PRKG1: variants seen among roughly 807,000 people sequenced by gnomAD.
The protein encoded by PRKG1 is protein kinase cGMP-dependent 1.
PRKG1 carries 35 observed loss-of-function variants against 88.1 expected under a neutral mutation model. That is an observed-to-expected ratio of 0.40 (90% confidence interval 0.30 to 0.53). PRKG1 has a LOEUF of 0.53. PRKG1 is among the 20% of genes least tolerant of loss of function. PRKG1 has a pLI of 0.59. For missense variants in PRKG1, 540 were observed against 839.8 expected, an observed-to-expected ratio of 0.64 and a Z score of 4.41; for synonymous variants, 303 against 292.5, an observed-to-expected ratio of 1.04 and a Z score of -0.37.
intron 3 of PRKG1, among the ~76,000 whole-genome samples, chr10:51,672,034 T>A (rs191178944): frequency 6.7e-6 from 1 of 148,332 alleles, no homozygotes; most frequent in Non-Finnish European, 1.5e-5. Flanking sequence ...TGCCTTTTTG[T>A]AAACTATCTA....
chr10:51,889,007 A>G (rs948369062), intron 4 of PRKG1, among the ~76,000 whole-genome samples: 1 of 151,572 alleles, frequency 6.6e-6, no homozygotes, highest in African/African-American at 2.4e-5. Context: ...GCTGCTTATT[A>G]CTTCCCATCC....
intron 2 of PRKG1, among the ~76,000 whole-genome samples, chr10:51,273,008 C>T (rs911762880): frequency 1.3e-5 from 2 of 152,126 alleles, no homozygotes; most frequent in African/African-American, 4.8e-5. Context: ...GCAGGAAGTA[C>T]ACAACTACTA....
At chr10:51,637,334 T>G (rs972605452) in intron 3 of PRKG1, among the ~76,000 whole-genome samples, 6 of 152,190 alleles carry the variant, frequency 3.9e-5, no homozygotes, top group Non-Finnish European at 8.8e-5. Context: ...TGTAAATTAG[T>G]TCAGCCATTG....
At chr10:51,727,466 G>A (rs919481346) in intron 3 of PRKG1, among the ~76,000 whole-genome samples, 2 of 152,096 alleles carry the variant, frequency 1.3e-5, no homozygotes, top group Non-Finnish European at 2.9e-5. Flanking sequence ...CTGCTATCGA[G>A]TGAAACCAAG....
intron 1 of PRKG1, among the ~76,000 whole-genome samples, chr10:51,034,469 A>T (rs1166726590): frequency 6.6e-6 from 1 of 151,698 alleles, no homozygotes; most frequent in Non-Finnish European, 1.5e-5. Context: ...AAAAACCTTA[A>T]TTTTTACAGT....
At chr10:51,788,879 G>T (rs998802291) in intron 3 of PRKG1, among the ~76,000 whole-genome samples, 1 of 152,150 alleles carries the variant, frequency 6.6e-6, no homozygotes, top group East Asian at 1.9e-4. Flanking sequence ...TTCCCTTCAA[G>T]AAATGAGATT....
At chr10:51,100,109 GT>G (rs1441845250) in intron 1 of PRKG1, among the ~76,000 whole-genome samples, 1 of 152,016 alleles carries the variant, frequency 6.6e-6, no homozygotes, top group African/African-American at 2.4e-5. Context: ...GCCCAGGTTG[GT>G]CCTGAACCCC....
intron 7 of PRKG1, among the ~76,000 whole-genome samples, chr10:52,095,554 G>T (rs1306994013): frequency 1.3e-5 from 2 of 152,090 alleles, no homozygotes; most frequent in Non-Finnish European, 2.9e-5. Context: ...TGTCTCCTTT[G>T]TTTATTGTTA....
At chr10:51,667,695 A>G (rs1840457825) in intron 3 of PRKG1, among the ~76,000 whole-genome samples, 1 of 152,130 alleles carries the variant, frequency 6.6e-6, no homozygotes. Flanking sequence ...TTATATTTCT[A>G]TACTGCTCAA....
chr10:51,099,779 C>T (rs1844634185), intron 1 of PRKG1, among the ~76,000 whole-genome samples: 1 of 152,184 alleles, frequency 6.6e-6, no homozygotes, highest in African/African-American at 2.4e-5. Flanking sequence ...CTCTTTGTCT[C>T]TGCGTAATAA....
Position 51,074,557 on chromosome 10 carries a change from C to A in PRKG1, c.-34C>A, listed in dbSNP as rs772218838. On this transcript the variant is annotated 5_prime_UTR_variant, in exon 1 of 18. Transcript: ENST00000373980. The stretch of plus-strand genomic sequence containing the variant: ...GAGGAAGCCTCAAGACGCGGAGCAG[C>A]GGCAGGAAGGAGCCCCCGGCAGCCC... The A allele has an allele frequency of 5.7e-6, 9 of 1,588,602 alleles. No individual in the cohort carries two copies. The highest frequency in any genetic ancestry group is 1.3e-5 in the African/African-American group (1 of 74,462).
intron 7 of PRKG1, among the ~76,000 whole-genome samples, chr10:52,080,351 G>A (rs1314002701): frequency 6.6e-6 from 1 of 151,800 alleles, no homozygotes. Flanking sequence ...TTAAGAGCTG[G>A]CCCATGTCCC....
intron 5 of PRKG1, among the ~76,000 whole-genome samples, chr10:51,918,981 G>T (rs1842404175): frequency 6.6e-6 from 1 of 152,134 alleles, no homozygotes; most frequent in African/African-American, 2.4e-5. Flanking sequence ...ACAGGCTAAA[G>T]ATAAGAAAAT....
intron 4 of PRKG1, among the ~76,000 whole-genome samples, chr10:51,901,076 T>C (rs1937662): frequency 0.19 from 28,451 of 152,118 alleles, 3,172 homozygotes; most frequent in East Asian, 0.49. Flanking sequence ...AGTTTGGTGT[T>C]ACTGCTTTGA....
At chr10:51,347,919 C>T (rs1262467402) in intron 2 of PRKG1, among the ~76,000 whole-genome samples, 2 of 151,724 alleles carry the variant, frequency 1.3e-5, no homozygotes, top group African/African-American at 2.4e-5. Flanking sequence ...AAAAATTAGC[C>T]GGGCATGGTG....
intron 3 of PRKG1, among the ~76,000 whole-genome samples, chr10:51,788,736 C>CT (rs773267163): frequency 6.6e-6 from 1 of 152,050 alleles, no homozygotes; most frequent in Non-Finnish European, 1.5e-5. Context: ...GGAGTCTAGC[C>CT]TTAAGGTGGC....
intron 8 of PRKG1, among the ~76,000 whole-genome samples, chr10:52,137,995 A>C (rs542547741): frequency 6.6e-6 from 1 of 152,128 alleles, no homozygotes; most frequent in African/African-American, 2.4e-5. Context: ...AGTAAACCTT[A>C]AAGAGTTGTA....
At chr10:52,188,239 T>C (rs1353311380) in intron 9 of PRKG1, among the ~76,000 whole-genome samples, 9 of 11,008 alleles carry the variant, frequency 8.2e-4, no homozygotes, top group East Asian at 2.1e-3. Flanking sequence ...TGTATATATA[T>C]ACATATATAT....
At chr10:51,182,162 G>A (rs1837365204) in intron 2 of PRKG1, among the ~76,000 whole-genome samples, 1 of 152,146 alleles carries the variant, frequency 6.6e-6, no homozygotes, top group African/African-American at 2.4e-5. Context: ...CTACACAAAA[G>A]TGCTTCTCTT....
Sources: gnomAD v4.1 joint callset for allele counts (sites outside exome capture counted in the v4.1 genomes callset) on GRCh38, gnomAD v4.1.1 for gene constraint, MANE v1.5 for transcripts, NCBI Gene and HGNC (gene_info 2026-07-23, HGNC 2026-07-21) for gene names.